ZFHX3: variants seen among roughly 807,000 people sequenced by gnomAD.
The protein encoded by ZFHX3 is zinc finger homeobox 3, also known as zinc finger homeobox protein 3.
ZFHX3 carries 42 observed loss-of-function variants against 279.1 expected under a neutral mutation model. That is an observed-to-expected ratio of 0.15 (90% CI 0.12 to 0.19). The LOEUF is 0.19. ZFHX3 is among the 10% of genes least tolerant of loss of function. The probability of loss-of-function intolerance (pLI) is 1.00; values close to 1 mark genes in which losing one functional copy is unlikely to be tolerated. For missense variants in ZFHX3, 4,981 were observed against 4,754.0 expected (o/e 1.05, Z -1.40); for synonymous variants, 2,293 against 1,957.8 (o/e 1.17, Z -4.52).
At chr16:73,694,039 A>AT (rs60761084) in intron 1 of ZFHX3, among the ~76,000 whole-genome samples, 14 of 151,324 alleles carry the variant, frequency 9.3e-5, no homozygotes, top group Admixed American at 2.0e-4. Context: ...AAAAAAAAAA[A>AT]TTGCTAGGCA....
At chr16:73,287,275 GTGTGTGGGTCAGTGTGTGGC>G (rs2014639179) in intron 4 of ZFHX3, among the ~76,000 whole-genome samples, 1 of 147,050 alleles carries the variant, frequency 6.8e-6, no homozygotes, top group Non-Finnish European at 1.5e-5. Context: ...CAGTGTGTGG[GTGTGTGGGTCAGTGTGTGGC>G]TGTGTGGGGT....
At chr16:73,793,222 T>C (rs1215325205) in intron 1 of ZFHX3, among the ~76,000 whole-genome samples, 4 of 152,242 alleles carry the variant, frequency 2.6e-5, no homozygotes, top group Admixed American at 2.6e-4. Context: ...GGGAATAAGA[T>C]GTGGCTTTGC....
intron 1 of ZFHX3, among the ~76,000 whole-genome samples, chr16:73,789,625 A>C (rs1407096245): frequency 6.6e-6 from 1 of 152,220 alleles, no homozygotes; most frequent in East Asian, 1.9e-4. Flanking sequence ...AGATATGTCA[A>C]AATCAGATCC....
rs1219452754 is a variant in ZFHX3 at position 72,784,773 on chromosome 16, TTAGTA to T, written c.*2386_*2390del. The T allele has an allele frequency of 6.6e-6, 1 of 152,548 alleles. No homozygotes were observed. The highest frequency in any genetic ancestry group is 1.9e-4 in the East Asian group (1 of 5,196). The allele number at this position is 152,548 out of a possible 1,614,324, so 9.4% of individuals were successfully genotyped here. A position where few individuals can be genotyped will look rare whatever the true frequency, so the allele number is the denominator to read the frequency against. On this transcript the variant is annotated 3_prime_UTR_variant, in exon 10 of 10. Coordinates refer to ENST00000268489, the MANE Select transcript of ZFHX3 (RefSeq NM_006885.4). The stretch of plus-strand genomic sequence containing the variant: ...TGAATAGTTAGATGGTATTCTTTCT[TTAGTA>T]TTTCTACTTAAAAAAAACAATTAAA...
intron 1 of ZFHX3, among the ~76,000 whole-genome samples, chr16:73,685,025 A>T (rs112205653): frequency 0.86 from 125,350 of 146,440 alleles, 52,920 homozygotes; most frequent in East Asian, 0.91. Flanking sequence ...ATTTATTATT[A>T]TTTTTTTTGA....
chr16:73,591,361 AAAAC>A lies in ZFHX3; in HGVS notation c.-1547+88815_-1547+88818del, dbSNP rs564553376. 2.5e-4 allele frequency among the ~76,000 whole-genome samples: 38 copies of A among 151,278 alleles called. No homozygotes were observed. The South Asian group carries it at 5.8e-3, about 23-fold the overall frequency. On this transcript the variant is annotated intron_variant, in intron 2 of 17. Transcript: ENST00000641206. The stretch of plus-strand genomic sequence containing the variant: ...AAGCAAGACTCTGCCTCAAAAACAA[AAAAC>A]AAACAAACAAACAAACAAACAAAAA...
chr16:72,907,515 C>T (rs1026201123), intron 3 of ZFHX3, among the ~76,000 whole-genome samples: 10 of 149,524 alleles, frequency 6.7e-5, no homozygotes, highest in Non-Finnish European at 8.9e-5. Flanking sequence ...GCAGCTCTAC[C>T]GGTTCTCGGT....
intron 3 of ZFHX3, among the ~76,000 whole-genome samples, chr16:73,395,394 G>A (rs1305662775): frequency 6.6e-6 from 1 of 151,424 alleles, no homozygotes; most frequent in Non-Finnish European, 1.5e-5. Flanking sequence ...AACCTGGGAG[G>A]CAGAGGTTGC....
At chr16:73,728,258 G>C (rs998138181) in intron 1 of ZFHX3, among the ~76,000 whole-genome samples, 3 of 152,158 alleles carry the variant, frequency 2.0e-5, no homozygotes, top group African/African-American at 4.8e-5. Context: ...GAGCCAGAGA[G>C]AGGTGCCTGT....
At chr16:73,441,598 C>G (rs757493817) in intron 3 of ZFHX3, among the ~76,000 whole-genome samples, 1 of 152,056 alleles carries the variant, frequency 6.6e-6, no homozygotes, top group East Asian at 1.9e-4. Context: ...GGGGTAACGA[C>G]GCATACCAAT....
chr16:73,646,023 C>G (rs759369377), intron 2 of ZFHX3, among the ~76,000 whole-genome samples: 1 of 151,956 alleles, frequency 6.6e-6, no homozygotes, highest in South Asian at 2.1e-4. Context: ...ATCGATATAG[C>G]CTTTTGGATG....
At position 73,579,854 on chromosome 16, in the gene ZFHX3, T is replaced by TTATATATATATATATATATATA. The variant is rs200667144; in HGVS notation, c.-1547+100325_-1547+100326insTATATATATATATATATATATA. Among the ~76,000 whole-genome samples, 184 of 140,888 alleles carry TTATATATATATATATATATATA rather than the reference T, an allele frequency of 1.3e-3. 2 individuals carry two copies. Among genetic ancestry groups the TTATATATATATATATATATATA allele is most frequent in the African/African-American group, 4.3e-3 (156 of 36,636 alleles). 92.4% of individuals were successfully genotyped at this position (140,888 alleles called of 152,430 possible). A position where few individuals can be genotyped will look rare whatever the true frequency, so the allele number is the denominator to read the frequency against. Reference sequence around the variant, plus strand: ...GGTTCACAAATATATATTATACAGATTATATATATATATATATATACATAC... The same window carrying TTATATATATATATATATATATA: ...GGTTCACAAATATATATTATACAGATTATATATATATATATATATATATATATATATATATATATATACATAC... On this transcript the variant is annotated intron_variant, in intron 2 of 17. Transcript: ENST00000641206.
chr16:73,704,124 C>T (rs139678758), intron 1 of ZFHX3, among the ~76,000 whole-genome samples: 2 of 151,962 alleles, frequency 1.3e-5, no homozygotes, highest in African/African-American at 4.8e-5. Flanking sequence ...GTGGTATGGC[C>T]GTAAACAGAA....
At chr16:73,284,002 C>T (rs1296160739) in intron 4 of ZFHX3, among the ~76,000 whole-genome samples, 2 of 151,636 alleles carry the variant, frequency 1.3e-5, no homozygotes, top group South Asian at 4.2e-4. Context: ...GAAACAAATG[C>T]GGATAGGCAA....
intron 1 of ZFHX3, among the ~76,000 whole-genome samples, chr16:73,877,850 C>T (rs2030004295): frequency 6.6e-6 from 1 of 152,042 alleles, no homozygotes; most frequent in Admixed American, 6.6e-5. Context: ...CACACAAAGA[C>T]ATACACAAAC....
chr16:72,964,668 TAA>T (rs11314455), intron 1 of ZFHX3, among the ~76,000 whole-genome samples: 489 of 142,954 alleles, frequency 3.4e-3, no homozygotes, highest in Non-Finnish European at 4.1e-3. Context: ...TTGGTCTATT[TAA>T]AAAAAAAAAA....
At chr16:73,355,391 T>C (rs2016322465) in intron 3 of ZFHX3, among the ~76,000 whole-genome samples, 1 of 152,206 alleles carries the variant, frequency 6.6e-6, no homozygotes, top group South Asian at 2.1e-4. Context: ...AACCAGATCC[T>C]GTCCCCTTGA....
Position 72,975,117 on chromosome 16 carries a change from T to C in ZFHX3, c.-49-14923A>G, listed in dbSNP as rs553918031. ...ATGGATTCTGCTGGCACTCTGAGTTTGTTTGAAAGACTTCCAAATTCCAAA... is the reference window on the plus strand; with the variant it reads ...ATGGATTCTGCTGGCACTCTGAGTTCGTTTGAAAGACTTCCAAATTCCAAA... On this transcript the variant is annotated intron_variant, in intron 1 of 9. Coordinates refer to ENST00000268489, the MANE Select transcript of ZFHX3 (RefSeq NM_006885.4). Among the ~76,000 whole-genome samples, 95 of 152,250 alleles carry C rather than the reference T, an allele frequency of 6.2e-4. 1 individual carries two copies. The Middle Eastern group carries it at 0.01, about 16-fold the overall frequency.
At chr16:73,666,265 A>C (rs1284596302) in intron 2 of ZFHX3, among the ~76,000 whole-genome samples, 1 of 152,002 alleles carries the variant, frequency 6.6e-6, no homozygotes, top group African/African-American at 2.4e-5. Flanking sequence ...CTCACATAGC[A>C]GAGAAGTTAC....
Sources: allele counts gnomAD v4.1 joint callset (sites outside exome capture counted in the v4.1 genomes callset), GRCh38; gene constraint gnomAD v4.1.1; transcripts MANE v1.5; gene names NCBI Gene and HGNC (gene_info 2026-07-23, HGNC 2026-07-21).